UBASH3B: variants seen among roughly 807,000 people sequenced by gnomAD.
UBASH3B encodes ubiquitin-associated and SH3 domain-containing protein B.
UBASH3B carries 37 observed loss-of-function variants against 83.4 expected under a neutral mutation model. The ratio of observed to expected loss-of-function variants is 0.44; its 90% CI spans 0.34 to 0.58. The LOEUF (loss-of-function observed/expected upper bound fraction) is 0.58, where lower values mean the gene tolerates loss of function less well. UBASH3B is among the 20% of genes least tolerant of loss of function. The pLI is 0.01. For synonymous variants in UBASH3B, 304 were observed against 318.3 expected (o/e 0.96, Z 0.48); for missense variants, 657 against 827.2 (o/e 0.79, Z 2.52).
At chr11:122,672,205 G>A (rs1863605106) in intron 1 of UBASH3B, among the ~76,000 whole-genome samples, 1 of 151,894 alleles carries the variant, frequency 6.6e-6, no homozygotes, top group Non-Finnish European at 1.5e-5. Context: ...TCAACCTCTT[G>A]AAGAAGACAG....
intron 1 of UBASH3B, among the ~76,000 whole-genome samples, chr11:122,674,640 C>CA (rs1863642681): frequency 6.6e-6 from 1 of 151,838 alleles, no homozygotes; most frequent in Non-Finnish European, 1.5e-5. Context: ...CTCGGCATCC[C>CA]AAAGTACTGG....
intron 5 of UBASH3B, among the ~76,000 whole-genome samples, chr11:122,783,997 A>G (rs1860903228): frequency 1.3e-5 from 2 of 150,434 alleles, no homozygotes; most frequent in South Asian, 2.1e-4. Flanking sequence ...CTGGAGTGCA[A>G]TGGCACGATC....
At chr11:122,668,911 C>T (rs1023748023) in intron 1 of UBASH3B, among the ~76,000 whole-genome samples, 2 of 152,140 alleles carry the variant, frequency 1.3e-5, no homozygotes, top group African/African-American at 4.8e-5. Context: ...AGGCTAATTC[C>T]GTCAGCGTGA....
intron 1 of UBASH3B, among the ~76,000 whole-genome samples, chr11:122,731,610 T>C (rs983557453): frequency 1.3e-5 from 2 of 152,184 alleles, no homozygotes; most frequent in African/African-American, 4.8e-5. Flanking sequence ...GTATCCAGAC[T>C]AGACAAAGGG....
chr11:122,702,892 A>T (rs1864061896), intron 1 of UBASH3B, among the ~76,000 whole-genome samples: 1 of 152,214 alleles, frequency 6.6e-6, no homozygotes, highest in African/African-American at 2.4e-5. Flanking sequence ...ACATCATTAA[A>T]TGAAGGAGTG....
intron 10 of UBASH3B, among the ~76,000 whole-genome samples, chr11:122,799,484 T>A (rs1294016378): frequency 1.6e-4 from 22 of 134,948 alleles, no homozygotes; most frequent in Non-Finnish European, 3.5e-4. Context: ...TGAAACTCCA[T>A]CTCAAAAAAA....
intron 1 of UBASH3B, among the ~76,000 whole-genome samples, chr11:122,729,137 G>A (rs1860795490): frequency 6.6e-6 from 1 of 152,202 alleles, no homozygotes; most frequent in Non-Finnish European, 1.5e-5. Flanking sequence ...TAAATCCTGG[G>A]AGGACTGGGA....
chr11:122,776,552 G>A (rs1860738199), intron 2 of UBASH3B, among the ~76,000 whole-genome samples: 1 of 152,158 alleles, frequency 6.6e-6, no homozygotes, highest in Non-Finnish European at 1.5e-5. Flanking sequence ...TTCATTTTAG[G>A]GGTATGGATA....
intron 13 of UBASH3B, among the ~76,000 whole-genome samples, chr11:122,808,657 C>G (rs993733027): frequency 2.0e-5 from 3 of 152,234 alleles, no homozygotes; most frequent in African/African-American, 7.2e-5. Flanking sequence ...ACCCACACAT[C>G]TGGAGTCTTC....
intron 1 of UBASH3B, among the ~76,000 whole-genome samples, chr11:122,753,045 C>T (rs1861223868): frequency 1.3e-5 from 2 of 151,538 alleles, no homozygotes; most frequent in South Asian, 4.2e-4. Context: ...TGCCTCTTCT[C>T]TTATTGTTGT....
At chr11:122,697,239 C>G (rs1413572958) in intron 1 of UBASH3B, among the ~76,000 whole-genome samples, 1 of 152,166 alleles carries the variant, frequency 6.6e-6, no homozygotes, top group Non-Finnish European at 1.5e-5. Flanking sequence ...ATTTCAATTG[C>G]GCTTTCCAAT....
intron 1 of UBASH3B, among the ~76,000 whole-genome samples, chr11:122,727,967 C>G (rs1463526293): frequency 2.6e-5 from 4 of 151,862 alleles, no homozygotes; most frequent in Non-Finnish European, 2.9e-5. Context: ...TGGGGACCTT[C>G]TCCTGCCCTG....
intron 1 of UBASH3B, among the ~76,000 whole-genome samples, chr11:122,769,474 A>T (rs779513778): frequency 2.0e-5 from 3 of 152,196 alleles, no homozygotes; most frequent in Non-Finnish European, 4.4e-5. Context: ...CTCAATTATG[A>T]TAGACTCCCT....
intron 1 of UBASH3B, among the ~76,000 whole-genome samples, chr11:122,715,004 G>A (rs1860488178): frequency 6.6e-6 from 1 of 152,124 alleles, no homozygotes; most frequent in Non-Finnish European, 1.5e-5. Flanking sequence ...GGAGTGCAGT[G>A]GCGTGATCTC....
chr11:122,757,380 C>T (rs1195272073), intron 1 of UBASH3B, among the ~76,000 whole-genome samples: 1 of 152,206 alleles, frequency 6.6e-6, no homozygotes, highest in African/African-American at 2.4e-5. Context: ...CTCCCCAGAG[C>T]TCAGTCATGC....
At chr11:122,778,303 T>C (rs1860777868) in intron 3 of UBASH3B, among the ~76,000 whole-genome samples, 1 of 152,204 alleles carries the variant, frequency 6.6e-6, no homozygotes, top group Non-Finnish European at 1.5e-5. Flanking sequence ...CATTTCCTCT[T>C]AGTCATCCCA....
At chr11:122,782,580 C>G (rs572736538) in intron 4 of UBASH3B, 157 of 153,216 alleles carry the variant, frequency 1.0e-3, no homozygotes, top group African/African-American at 3.4e-3. Flanking sequence ...TTGAAAATAT[C>G]CATCTTTTCC....
intron 1 of UBASH3B, among the ~76,000 whole-genome samples, chr11:122,694,790 T>A (rs1255503609): frequency 6.6e-6 from 1 of 152,032 alleles, no homozygotes; most frequent in African/African-American, 2.4e-5. Context: ...GACTGTGGGT[T>A]CCTTGAGTGT....
intron 1 of UBASH3B, among the ~76,000 whole-genome samples, chr11:122,731,424 C>A (rs1860842271): frequency 6.6e-6 from 1 of 152,164 alleles, no homozygotes; most frequent in African/African-American, 2.4e-5. Context: ...AAATTGCCAG[C>A]CTCACTACTC....
Sources: allele counts gnomAD v4.1 joint callset (sites outside exome capture counted in the v4.1 genomes callset), GRCh38; gene constraint gnomAD v4.1.1; transcripts MANE v1.5; gene names NCBI Gene and HGNC (gene_info 2026-07-23, HGNC 2026-07-21).